Variants in PTPRD observed in about 807,000 individuals in gnomAD.
PTPRD encodes the protein protein tyrosine phosphatase receptor type D.
Under a neutral mutation model 214.5 loss-of-function variants are expected in PTPRD, and 34 were observed. That is an observed-to-expected ratio of 0.16 (90% CI 0.12 to 0.21). The LOEUF is 0.21. PTPRD is among the 10% of genes least tolerant of loss of function. The pLI is 1.00. For synonymous variants in PTPRD, 1,128 were observed against 845.7 expected (o/e 1.33, Z -5.79); for missense variants, 2,545 against 2,398.7 (o/e 1.06, Z -1.27).
At chr9:8,972,611 CCTT>C (rs1232575392) in intron 11 of PTPRD, among the ~76,000 whole-genome samples, 7 of 151,846 alleles carry the variant, frequency 4.6e-5, no homozygotes, top group African/African-American at 1.7e-4. Context: ...TAGTCAATAA[CCTT>C]GATATTAATA....
At position 8,523,705 on chromosome 9, in the gene PTPRD, A is replaced by G. The variant is rs772711154; in HGVS notation, c.680-181T>C. Among the ~76,000 whole-genome samples, 5 of 152,314 alleles carry G rather than the reference A, an allele frequency of 3.3e-5. No homozygotes were observed. In the East Asian group the frequency reaches 9.7e-4, roughly 29 times the overall value. ...AAAAGTTAGCAATATCTCACAGACT[A>G]ACATGGTATTAGAAACAATAGCTAG... is the stretch of plus-strand genomic sequence containing the variant. On this transcript the variant is annotated intron_variant, in intron 18 of 45. Coordinates refer to ENST00000381196, the MANE Select transcript of PTPRD (RefSeq NM_002839.4).
chr9:8,465,411 C>T, intron 32 of PTPRD, 55 bp downstream of exon 32: 2 of 1,493,502 alleles, frequency 1.3e-6, no homozygotes, highest in South Asian at 2.3e-5. Context: ...AACCACATTC[C>T]AGTGAAAATG....
intron 11 of PTPRD, among the ~76,000 whole-genome samples, chr9:8,781,112 G>A (rs1250811007): frequency 6.6e-6 from 1 of 152,032 alleles, no homozygotes; most frequent in Non-Finnish European, 1.5e-5. Context: ...TCCAGTCCCT[G>A]ATTAAAAGAT....
Position 9,783,674 on chromosome 9 carries a change from T to A in PTPRD, c.-367-16823A>T, listed in dbSNP as rs937044301. Among the ~76,000 whole-genome samples the A allele has an allele frequency of 2.6e-5, 4 of 152,086 alleles. No individual in the cohort carries two copies. The South Asian group carries it at 8.3e-4, about 31-fold the overall frequency. On this transcript the variant is annotated intron_variant, in intron 5 of 45. Transcript: ENST00000381196. ...GAACGCTACTTTGTACCCCTTGTTG[T>A]CTCCTCTACCTTCTTTTGCCAGTTC...
At chr9:9,594,044 G>A (rs919982341) in intron 7 of PTPRD, among the ~76,000 whole-genome samples, 1 of 151,968 alleles carries the variant, frequency 6.6e-6, no homozygotes, top group African/African-American at 2.4e-5. Flanking sequence ...TAGTTAATGA[G>A]GCAGTGATTA....
chr9:10,517,175 A>T (rs901233208), intron 2 of PTPRD, among the ~76,000 whole-genome samples: 2 of 152,158 alleles, frequency 1.3e-5, no homozygotes, highest in African/African-American at 2.4e-5. Context: ...ACATGTAAAC[A>T]GTATCCAGTA....
At chr9:8,621,316 T>C (rs993983677) in intron 14 of PTPRD, among the ~76,000 whole-genome samples, 12 of 152,032 alleles carry the variant, frequency 7.9e-5, no homozygotes, top group African/African-American at 2.7e-4. Context: ...TGTTAGCATA[T>C]AGTTAACCAG....
At chr9:9,798,647 C>A (rs557284431) in intron 5 of PTPRD, among the ~76,000 whole-genome samples, 1 of 152,210 alleles carries the variant, frequency 6.6e-6, no homozygotes, top group African/African-American at 2.4e-5. Flanking sequence ...TTCTGAATTC[C>A]ATCAGCATGC....
intron 9 of PTPRD, among the ~76,000 whole-genome samples, chr9:9,330,549 A>G (rs546252281): frequency 7.9e-5 from 12 of 152,240 alleles, no homozygotes; most frequent in African/African-American, 2.2e-4. Flanking sequence ...AGTAAATACA[A>G]TAAGTAATAT....
intron 35 of PTPRD, among the ~76,000 whole-genome samples, chr9:8,419,031 C>A (rs1269751280): frequency 2.0e-5 from 3 of 151,674 alleles, no homozygotes; most frequent in Non-Finnish European, 2.9e-5. Context: ...CTGGCCTCAG[C>A]AACATAGTGA....
chr9:8,909,288 C>A (rs2098730466), intron 11 of PTPRD, among the ~76,000 whole-genome samples: 1 of 151,980 alleles, frequency 6.6e-6, no homozygotes, highest in Non-Finnish European at 1.5e-5. Flanking sequence ...ATACCAGAAC[C>A]AAACAAAGAC....
At chr9:9,163,236 T>C (rs771960607) in intron 10 of PTPRD, among the ~76,000 whole-genome samples, 5 of 152,232 alleles carry the variant, frequency 3.3e-5, no homozygotes, top group Admixed American at 6.5e-5. Context: ...ACATCTTTCC[T>C]GGGATACTTG....
intron 5 of PTPRD, among the ~76,000 whole-genome samples, chr9:9,851,107 G>A (rs944910727): frequency 3.9e-5 from 6 of 152,146 alleles, no homozygotes; most frequent in Non-Finnish European, 5.9e-5. Context: ...AGGATGAAAT[G>A]AAATTGTGAA....
intron 11 of PTPRD, among the ~76,000 whole-genome samples, chr9:8,771,299 T>C (rs1469257667): frequency 1.3e-5 from 2 of 152,216 alleles, no homozygotes; most frequent in Admixed American, 6.5e-5. Context: ...TTTTTCCCAT[T>C]ATGGAGGAAA....
At chr9:9,826,603 T>C (rs1245055260) in intron 5 of PTPRD, among the ~76,000 whole-genome samples, 2 of 152,050 alleles carry the variant, frequency 1.3e-5, no homozygotes, top group Non-Finnish European at 2.9e-5. Context: ...ATACATATTC[T>C]GCTATTTGGT....
chr9:9,041,388 C>G (rs183570799), intron 10 of PTPRD, among the ~76,000 whole-genome samples: 53 of 152,166 alleles, frequency 3.5e-4, no homozygotes, highest in East Asian at 9.7e-4. Flanking sequence ...CTGATAGGCT[C>G]CAGTGTGTGT....
intron 2 of PTPRD, among the ~76,000 whole-genome samples, chr9:10,514,437 T>C (rs2049317500): frequency 6.6e-6 from 1 of 151,494 alleles, no homozygotes; most frequent in African/African-American, 2.4e-5. Flanking sequence ...CACCATAGTT[T>C]GTTATAGACA....
At chr9:10,511,940 ATATATACGTGTGTG>A (rs2133822975) in intron 2 of PTPRD, among the ~76,000 whole-genome samples, 1 of 70,186 alleles carries the variant, frequency 1.4e-5, no homozygotes, top group African/African-American at 4.6e-5. Context: ...ACGTGTATAT[ATATATACGTGTGTG>A]TATATATATA....
At chr9:8,592,388 C>T (rs1484650558) in intron 14 of PTPRD, among the ~76,000 whole-genome samples, 1 of 152,118 alleles carries the variant, frequency 6.6e-6, no homozygotes, top group African/African-American at 2.4e-5. Context: ...AACAATAGTG[C>T]ATATGGCCTA....
Sources: allele counts gnomAD v4.1 joint callset (sites outside exome capture counted in the v4.1 genomes callset), GRCh38; gene constraint gnomAD v4.1.1; transcripts MANE v1.5; gene names NCBI Gene and HGNC (gene_info 2026-07-23, HGNC 2026-07-21).